Variants in ADAMTSL1 observed in about 807,000 individuals in gnomAD.
ADAMTSL1 encodes ADAMTS-like protein 1.
A neutral mutation model predicts 201.8 loss-of-function variants in ADAMTSL1; 126 were observed. The observed-to-expected ratio is 0.62, with a 90% CI of 0.54 to 0.72. The LOEUF (loss-of-function observed/expected upper bound fraction) is 0.72, where lower values mean the gene tolerates loss of function less well. Ranked by LOEUF, ADAMTSL1 falls within the 30% of genes least tolerant of loss-of-function variation. The probability of loss-of-function intolerance (pLI) is 0.00; values close to 1 mark genes in which losing one functional copy is unlikely to be tolerated. For missense variants in ADAMTSL1, 2,679 were observed against 2,277.8 expected (o/e 1.18, Z -3.59); for synonymous variants, 1,121 against 903.4 (o/e 1.24, Z -4.32).
chr9:17,993,806 C>A (rs887123115), intron 1 of ADAMTSL1, among the ~76,000 whole-genome samples: 4 of 151,842 alleles, frequency 2.6e-5, no homozygotes, highest in African/African-American at 9.7e-5. Context: ...TCCTTTTGTC[C>A]CTAGCTTCAT....
At chr9:18,687,884 C>T (rs909116068) in intron 13 of ADAMTSL1, among the ~76,000 whole-genome samples, 2 of 152,126 alleles carry the variant, frequency 1.3e-5, no homozygotes, top group East Asian at 3.9e-4. Context: ...AAACACCATG[C>T]ACAAGATATA....
intron 1 of ADAMTSL1, among the ~76,000 whole-genome samples, chr9:17,976,313 GT>G (rs1333310926): frequency 2.6e-5 from 4 of 151,866 alleles, no homozygotes; most frequent in Admixed American, 2.0e-4. Context: ...ATCATTTTGG[GT>G]AGTATGGGCA....
rs148144583 is a variant in ADAMTSL1, at chr9:17,962,335, G to A, written c.87+55413G>A. ...CTGTGAATATCACAGGATACCTTTT[G>A]AACACTTTCCTGTCAGTTGTTTTAC... On this transcript the variant is annotated intron_variant, in intron 1 of 29. Transcript: ENST00000680146. 3.2e-4 allele frequency among the ~76,000 whole-genome samples: 49 copies of A among 152,242 alleles called. No individual in the cohort carries two copies. The East Asian group carries it at 9.5e-3, about 30-fold the overall frequency.
intron 2 of ADAMTSL1, among the ~76,000 whole-genome samples, chr9:18,440,638 C>G (rs923693816): frequency 6.6e-6 from 1 of 150,786 alleles, no homozygotes; most frequent in African/African-American, 2.4e-5. Context: ...AATTCAAAGT[C>G]AAATACTTCT....
rs181646876 is a variant in ADAMTSL1 at position 18,023,493 on chromosome 9, A to G, written c.87+116571A>G. ...ATGACCAGATGGGGTCAAGAACCCC[A>G]AGATCAGCCACTTTCTCCAAATTGC... On this transcript the variant is annotated intron_variant, in intron 1 of 29. Transcript: ENST00000680146. Among the ~76,000 whole-genome samples the G allele has an allele frequency of 3.3e-5, 5 of 152,338 alleles. No individual in the cohort carries two copies. The East Asian group carries it at 9.6e-4, about 29-fold the overall frequency.
chr9:18,770,512 T>C (rs1235876023), intron 16 of ADAMTSL1, 90 bp from the exon 17 acceptor site: 1 of 1,333,658 alleles, frequency 7.5e-7, no homozygotes, highest in Non-Finnish European at 1.0e-6. Context: ...TTTTCTTCCT[T>C]TACTCTGCCA....
intron 23 of ADAMTSL1, among the ~76,000 whole-genome samples, chr9:18,832,425 T>G (rs529636779): frequency 6.6e-6 from 1 of 152,278 alleles, no homozygotes; most frequent in East Asian, 1.9e-4. Context: ...AGGAAGTAGA[T>G]GTACTACCTG....
chr9:18,543,585 CTAGT>C (rs1449310208), intron 3 of ADAMTSL1, among the ~76,000 whole-genome samples: 5 of 152,100 alleles, frequency 3.3e-5, no homozygotes, highest in African/African-American at 9.7e-5. Flanking sequence ...TTCTTTTTCG[CTAGT>C]TAAACACTGA....
intron 2 of ADAMTSL1, among the ~76,000 whole-genome samples, chr9:18,253,583 G>C (rs1404775110): frequency 6.6e-6 from 1 of 152,142 alleles, no homozygotes; most frequent in African/African-American, 2.4e-5. Flanking sequence ...AATTGTAAGT[G>C]ACCTGGGTTG....
At chr9:18,055,424 C>T (rs1359459234) in intron 1 of ADAMTSL1, among the ~76,000 whole-genome samples, 1 of 152,128 alleles carries the variant, frequency 6.6e-6, no homozygotes, top group Non-Finnish European at 1.5e-5. Context: ...ATCTCCTTGT[C>T]CTTTTGTGCA....
intron 4 of ADAMTSL1, among the ~76,000 whole-genome samples, chr9:18,602,713 A>G (rs1007055577): frequency 6.6e-5 from 10 of 152,212 alleles, no homozygotes; most frequent in African/African-American, 1.9e-4. Context: ...TGTCAGACAC[A>G]GTCACTTCTC....
At chr9:18,290,917 G>T (rs1262916358) in intron 2 of ADAMTSL1, among the ~76,000 whole-genome samples, 1 of 152,020 alleles carries the variant, frequency 6.6e-6, no homozygotes, top group East Asian at 1.9e-4. Flanking sequence ...AAGTAGCTGG[G>T]ACTACAGGTG....
intron 2 of ADAMTSL1, among the ~76,000 whole-genome samples, chr9:18,380,048 T>C (rs1163531366): frequency 6.6e-6 from 1 of 152,220 alleles, no homozygotes; most frequent in South Asian, 2.1e-4. Context: ...CTTTCCCATT[T>C]TCCTCATTCT....
chr9:17,993,258 G>A (rs1018278661), intron 1 of ADAMTSL1, among the ~76,000 whole-genome samples: 3 of 151,986 alleles, frequency 2.0e-5, no homozygotes, highest in African/African-American at 7.2e-5. Flanking sequence ...ATGAAGTTAG[G>A]GGAAAGTGTG....
At chr9:18,261,186 C>T (rs2132534701) in intron 2 of ADAMTSL1, among the ~76,000 whole-genome samples, 1 of 152,120 alleles carries the variant, frequency 6.6e-6, no homozygotes, top group South Asian at 2.1e-4. Flanking sequence ...AAGCCCATTT[C>T]TGTGGCCACA....
At chr9:18,149,864 G>A (rs978805494) in intron 1 of ADAMTSL1, among the ~76,000 whole-genome samples, 5 of 152,016 alleles carry the variant, frequency 3.3e-5, no homozygotes, top group Non-Finnish European at 7.4e-5. Context: ...TCAGGAGGCA[G>A]CAGGGCTAGG....
chr9:18,019,047 G>C (rs1265222799), intron 1 of ADAMTSL1, among the ~76,000 whole-genome samples: 2 of 152,062 alleles, frequency 1.3e-5, no homozygotes, highest in Admixed American at 6.6e-5. Context: ...CACTGAGAGT[G>C]AGAAAGTGCA....
intron 1 of ADAMTSL1, among the ~76,000 whole-genome samples, chr9:18,109,236 C>T (rs1824896450): frequency 6.6e-6 from 1 of 152,148 alleles, no homozygotes; most frequent in East Asian, 1.9e-4. Flanking sequence ...GTTACACCCT[C>T]ATTTGTGTTC....
chr9:17,936,001 A>G (rs537488262), intron 1 of ADAMTSL1, among the ~76,000 whole-genome samples: 31 of 152,248 alleles, frequency 2.0e-4, no homozygotes, highest in African/African-American at 6.7e-4. Context: ...ACTATTCTCT[A>G]GCTTCACTGG....
Sources: gnomAD v4.1 joint callset for allele counts (sites outside exome capture counted in the v4.1 genomes callset) on GRCh38, gnomAD v4.1.1 for gene constraint, MANE v1.5 for transcripts, NCBI Gene and HGNC (gene_info 2026-07-23, HGNC 2026-07-21) for gene names.